LRIG2: variants seen among roughly 807,000 people sequenced by gnomAD.
LRIG2 encodes the protein leucine-rich repeats and immunoglobulin-like domains protein 2.
Under a neutral mutation model 107.8 loss-of-function variants are expected in LRIG2, and 93 were observed. The observed-to-expected ratio is 0.86, with a 90% CI of 0.73 to 1.03. The LOEUF (loss-of-function observed/expected upper bound fraction) is 1.03. Ranked by LOEUF, LRIG2 falls within the 50% of genes least tolerant of loss-of-function variation. The probability of loss-of-function intolerance (pLI) is 0.00; values close to 1 mark genes in which losing one functional copy is unlikely to be tolerated. For missense variants in LRIG2, 1,226 were observed against 1,296.0 expected, an observed-to-expected ratio of 0.95 and a Z score of 0.83; for synonymous variants, 471 against 470.6, an observed-to-expected ratio of 1.00 and a Z score of -0.01.
At chr1:113,105,873 G>A (rs1654516620) in intron 11 of LRIG2, among the ~76,000 whole-genome samples, 1 of 152,176 alleles carries the variant, frequency 6.6e-6, no homozygotes. Flanking sequence ...TGCCCCTCTT[G>A]TTTAATAACA....
chr1:113,109,609 C>T (rs373906850), intron 12 of LRIG2, among the ~76,000 whole-genome samples: 2 of 152,118 alleles, frequency 1.3e-5, no homozygotes, highest in African/African-American at 2.4e-5. Flanking sequence ...ACCTCTACCC[C>T]CCGGGTTCAA....
At chr1:113,077,417 C>T (rs1443979536) in intron 1 of LRIG2, among the ~76,000 whole-genome samples, 1 of 152,178 alleles carries the variant, frequency 6.6e-6, no homozygotes, top group Non-Finnish European at 1.5e-5. Context: ...GCCAGGATTA[C>T]AGGCATTAGC....
chr1:113,095,865 A>G lies in LRIG2; in HGVS notation c.804-9A>G. 6.2e-7 allele frequency: 1 copy of G among 1,614,104 alleles called. No individual in the cohort carries two copies. The highest frequency in any genetic ancestry group is 8.5e-7 in the Non-Finnish European group (1 of 1,179,954). On this transcript the variant is annotated splice_polypyrimidine_tract_variant and intron_variant, in intron 6 of 17. Transcript: ENST00000361127. ...GAACGTATTTTCTTCTCTTTCTCTA[A>G]TTCTGCAGAGAACTGGAACACAACA...
intron 17 of LRIG2, 70 bp downstream of exon 17, chr1:113,119,593 G>T (rs1362787400): frequency 2.8e-6 from 4 of 1,434,586 alleles, no homozygotes; most frequent in Middle Eastern, 1.8e-4. Context: ...CTATCATATA[G>T]GTAGTGCTCT....
chr1:113,122,167 C>T (rs1453707258), intron 17 of LRIG2, among the ~76,000 whole-genome samples: 1 of 148,820 alleles, frequency 6.7e-6, no homozygotes, highest in Non-Finnish European at 1.5e-5. Context: ...ACTGCAACCT[C>T]CGCTTTCCGG....
At chr1:113,099,244 C>CTCTTTTTTT (rs1553228724) in intron 9 of LRIG2, among the ~76,000 whole-genome samples, 2 of 117,944 alleles carry the variant, frequency 1.7e-5, no homozygotes, top group Middle Eastern at 5.1e-3. Flanking sequence ...TGGTTTTTTT[C>CTCTTTTTTT]TTTTTTTTTT....
In LRIG2 at chr1:113,116,375, G is replaced by T; in HGVS notation, c.2619G>T (p.Glu873Asp). The part of the protein sequence containing the change: ...SEPQEGYSNS[E>D]AGSHQQLMPP... The stretch of plus-strand genomic sequence containing the variant: ...CACAGGAAGGCTACAGCAACTCTGA[G>T]GCAGGCAGTCATCAGCAACTTATGC... Residue 873 changes from glutamate (E) to aspartate (D), a missense_variant, in exon 16 of 18, where the codon GAG becomes GAT. Glu to Asp is a conservative substitution (Grantham distance 45). Transcript: ENST00000361127. The T allele has an allele frequency of 1.2e-6, 2 of 1,613,976 alleles. No homozygotes were observed. Among genetic ancestry groups the T allele is most frequent in the African/African-American group, 2.7e-5 (2 of 75,032 alleles).
chr1:113,123,651 T>C (rs966035255), intron 17 of LRIG2, among the ~76,000 whole-genome samples: 2 of 151,722 alleles, frequency 1.3e-5, no homozygotes, highest in Non-Finnish European at 2.9e-5. Flanking sequence ...AGACGATATA[T>C]AGTATGATCT....
intron 6 of LRIG2, among the ~76,000 whole-genome samples, 171 bp from the exon 7 acceptor site, chr1:113,095,703 G>A (rs1221656159): frequency 1.3e-5 from 2 of 152,262 alleles, no homozygotes; most frequent in Non-Finnish European, 2.9e-5. Flanking sequence ...CACTGTGCCC[G>A]GCCAAGCACT....
chr1:113,109,816 G>GC (rs1450081859), intron 12 of LRIG2, among the ~76,000 whole-genome samples: 1 of 152,166 alleles, frequency 6.6e-6, no homozygotes, highest in East Asian at 1.9e-4. Context: ...ACCGTGCCTG[G>GC]CCATATACAT....
intron 9 of LRIG2, among the ~76,000 whole-genome samples, 164 bp from the exon 10 acceptor site, chr1:113,100,047 C>T (rs1344204273): frequency 1.3e-5 from 2 of 152,148 alleles, no homozygotes; most frequent in Non-Finnish European, 2.9e-5. Flanking sequence ...AAATTGTACA[C>T]ATTAAATATG....
chr1:113,079,388 TA>T (rs1336083394), intron 1 of LRIG2, among the ~76,000 whole-genome samples: 1 of 147,352 alleles, frequency 6.8e-6, no homozygotes. Flanking sequence ...TGAGCCCCTT[TA>T]AAAAAGGTAC....
chr1:113,094,968 T>TTATA (rs372586532), intron 6 of LRIG2, among the ~76,000 whole-genome samples: 40,497 of 104,424 alleles, frequency 0.39, 6,045 homozygotes, highest in East Asian at 0.64. Context: ...TCTAAAAAGT[T>TTATA]TATATATATA....
rs1557896215 is a variant in LRIG2 at position 113,080,844 on chromosome 1, T to TG, written c.239+7199_239+7200insG. Among the ~76,000 whole-genome samples the TG allele has an allele frequency of 3.7e-3, 542 of 147,332 alleles. 5 individuals are homozygous for TG. Among genetic ancestry groups the TG allele is most frequent in the African/African-American group, 0.013 (506 of 39,988 alleles). On this transcript the variant is annotated intron_variant, in intron 1 of 17. Coordinates refer to ENST00000361127, the MANE Select transcript of LRIG2 (RefSeq NM_014813.3). ...ATATGGGAACACTAAAAGTTTTTTT[T>TG]TTTTTTTTTTTTTTTTGAGACGGAA...
intron 14 of LRIG2, among the ~76,000 whole-genome samples, chr1:113,113,936 C>T (rs528806725): frequency 6.6e-6 from 1 of 152,128 alleles, no homozygotes; most frequent in Non-Finnish European, 1.5e-5. Flanking sequence ...TCCCCTCTCA[C>T]TTTTATGTAG....
Position 113,100,440 on chromosome 1 carries a change from T to C in LRIG2, c.1265T>C (p.Ile422Thr). 6.5e-7 allele frequency: 1 copy of C among 1,541,454 alleles called. No homozygotes were observed. The highest frequency in any genetic ancestry group is 8.9e-7 in the Non-Finnish European group (1 of 1,118,516). The change falls in exon 11 of 18, where the codon ATA (isoleucine) becomes ACA (threonine). Residue 422 changes from isoleucine to threonine, a missense_variant. Ile to Thr is a moderately conservative substitution (Grantham distance 89). Coordinates refer to ENST00000361127, the MANE Select transcript of LRIG2 (RefSeq NM_014813.3). ...LEHLDLNNNA[I>T]MSIQENAFSQ... ...TTCAGAGATTTGAACAATAATGCTA[T>C]AATGTCTATCCAAGAAAATGCTTTT...
intron 11 of LRIG2, among the ~76,000 whole-genome samples, chr1:113,106,892 A>G (rs1202662752): frequency 1.3e-5 from 2 of 152,208 alleles, no homozygotes; most frequent in African/African-American, 4.8e-5. Context: ...GCTCCAATAT[A>G]TAGTAAGTGT....
intron 17 of LRIG2, among the ~76,000 whole-genome samples, chr1:113,122,128 G>C (rs1217072806): frequency 7.0e-6 from 1 of 143,240 alleles, no homozygotes; most frequent in Admixed American, 7.3e-5. Flanking sequence ...TGTCGCCCAG[G>C]CTGGAGTGCA....
intron 6 of LRIG2, 135 bp downstream of exon 6, chr1:113,094,890 G>A (rs1189803051): frequency 3.9e-6 from 3 of 775,400 alleles, no homozygotes; most frequent in South Asian, 7.5e-5. Flanking sequence ...TGAAGTAAGC[G>A]TACATAAAAC....
Sources: gnomAD v4.1 joint callset for allele counts (sites outside exome capture counted in the v4.1 genomes callset) on GRCh38, gnomAD v4.1.1 for gene constraint, MANE v1.5 for transcripts, NCBI Gene and HGNC (gene_info 2026-07-23, HGNC 2026-07-21) for gene names.